The following FGF14 variants were observed in gnomAD, a reference collection of about 807,000 sequenced individuals.
The protein encoded by FGF14 is fibroblast growth factor 14.
FGF14 carries 5 observed loss-of-function variants against 25.5 expected under a neutral mutation model. That is an observed-to-expected ratio of 0.20 (90% CI 0.10 to 0.41). The LOEUF is 0.41. FGF14 is among the 10% of genes least tolerant of loss of function. FGF14 has a pLI of 1.00. For synonymous variants in FGF14, 138 were observed against 118.3 expected (o/e 1.17, Z -1.08); for missense variants, 222 against 320.1 (o/e 0.69, Z 2.34).
chr13:102,099,246 G>A (rs147903879), intron 1 of FGF14, among the ~76,000 whole-genome samples: 281 of 152,326 alleles, frequency 1.8e-3, no homozygotes, highest in African/African-American at 6.3e-3. Context: ...AAAAAGGCAA[G>A]CAATGCATAT....
intron 1 of FGF14, among the ~76,000 whole-genome samples, chr13:101,957,305 T>C (rs1049112052): frequency 3.9e-4 from 59 of 152,100 alleles, no homozygotes; most frequent in African/African-American, 1.4e-3. Flanking sequence ...GGCTTTTCTT[T>C]TGGGGCAAGA....
At chr13:101,898,200 T>C (rs1170383230) in intron 1 of FGF14, among the ~76,000 whole-genome samples, 1 of 152,202 alleles carries the variant, frequency 6.6e-6, no homozygotes, top group Non-Finnish European at 1.5e-5. Flanking sequence ...TTGAGTTTTC[T>C]ATTTTTAGAT....
intron 1 of FGF14, among the ~76,000 whole-genome samples, chr13:102,023,563 A>G (rs2040778645): frequency 1.3e-5 from 2 of 152,028 alleles, no homozygotes; most frequent in Non-Finnish European, 2.9e-5. Flanking sequence ...TATCATCACA[A>G]AAAGAAACTA....
chr13:101,829,706 C>T (rs1263940833), intron 3 of FGF14, among the ~76,000 whole-genome samples: 1 of 152,024 alleles, frequency 6.6e-6, no homozygotes, highest in East Asian at 1.9e-4. Flanking sequence ...AAATAACTGC[C>T]TTGGTTGAAT....
chr13:101,915,784 G>A (rs537794793), intron 1 of FGF14, among the ~76,000 whole-genome samples: 5 of 152,188 alleles, frequency 3.3e-5, no homozygotes, highest in South Asian at 4.1e-4. Flanking sequence ...CCCGCTCCCC[G>A]CAATTCGGAT....
chr13:101,846,169 A>C (rs969843005), intron 3 of FGF14, among the ~76,000 whole-genome samples: 3 of 152,026 alleles, frequency 2.0e-5, no homozygotes, highest in Non-Finnish European at 2.9e-5. Context: ...AATGTCTATC[A>C]ATGAAATGAA....
chr13:102,002,316 A>C (rs548476218), intron 1 of FGF14: 3 of 152,396 alleles, frequency 2.0e-5, no homozygotes, highest in African/African-American at 7.2e-5. Context: ...AAGACAAGCC[A>C]GTTTTTTCCT....
rs778228445 is a variant in FGF14, at chr13:101,997,136, C to A, written c.209-121840G>T. 1.1e-3 allele frequency among the ~76,000 whole-genome samples: 174 copies of A among 152,368 alleles called. 1 individual carries two copies. The highest frequency in any genetic ancestry group is 4.6e-4 in the Non-Finnish European group (31 of 68,044). On this transcript the variant is annotated intron_variant, in intron 1 of 4. Transcript: ENST00000376131. ...TCACCACCAGTCTTGATACTATACA[C>A]TACTCCACATGTGTGCATTTATTGT...
chr13:102,101,451 G>T (rs1158306369), intron 1 of FGF14, among the ~76,000 whole-genome samples: 3 of 152,098 alleles, frequency 2.0e-5, no homozygotes, highest in African/African-American at 7.2e-5. Context: ...GATAATTCAT[G>T]GGTATACCTC....
intron 1 of FGF14, among the ~76,000 whole-genome samples, chr13:101,899,416 C>T (rs943386974): frequency 9.9e-5 from 15 of 150,988 alleles, no homozygotes; most frequent in Admixed American, 2.6e-4. Flanking sequence ...GGAGATATAA[C>T]CAAAGAACTG....
chr13:102,396,880 C>T (rs1353900452), intron 1 of FGF14, among the ~76,000 whole-genome samples: 1 of 152,208 alleles, frequency 6.6e-6, no homozygotes, highest in Non-Finnish European at 1.5e-5. Context: ...CACTGCTCTA[C>T]AAAACCCATT....
chr13:101,939,566 G>A (rs1357001724), intron 1 of FGF14, among the ~76,000 whole-genome samples: 6 of 152,196 alleles, frequency 3.9e-5, no homozygotes, highest in Non-Finnish European at 7.3e-5. Context: ...TTGGGTTAAT[G>A]CGAAATCCTA....
intron 1 of FGF14, among the ~76,000 whole-genome samples, chr13:102,118,410 T>C (rs573937873): frequency 2.0e-5 from 3 of 151,914 alleles, no homozygotes; most frequent in Admixed American, 2.0e-4. Context: ...AAGAAAATAA[T>C]ACCCCAGTGA....
Position 101,927,574 on chromosome 13 carries a change from T to C in FGF14, c.209-52278A>G, listed in dbSNP as rs1209943944. Among the ~76,000 whole-genome samples the C allele has an allele frequency of 2.6e-5, 4 of 152,232 alleles. No homozygotes were observed. The East Asian group carries it at 7.7e-4, about 29-fold the overall frequency. On this transcript the variant is annotated intron_variant, in intron 1 of 4. Coordinates refer to the FGF14 transcript ENST00000376131. ...CTGTACAAAGTTTAGATCTGAGCCC[T>C]TGTTGCCCTGCTGCAAGAGTCAAAG... is the stretch of plus-strand genomic sequence containing the variant.
At chr13:102,334,642 G>A (rs899132368) in intron 1 of FGF14, among the ~76,000 whole-genome samples, 6 of 152,152 alleles carry the variant, frequency 3.9e-5, no homozygotes, top group African/African-American at 1.4e-4. Flanking sequence ...TAAAAAAAGT[G>A]TTCGTATAAG....
intron 3 of FGF14, among the ~76,000 whole-genome samples, chr13:101,806,474 ATTTT>A (rs973570423): frequency 3.3e-5 from 5 of 150,622 alleles, no homozygotes; most frequent in South Asian, 2.1e-4. Flanking sequence ...CATTGAGAAA[ATTTT>A]TTTTTTTGTT....
chr13:102,178,914 G>A (rs773488799), intron 1 of FGF14, among the ~76,000 whole-genome samples: 6 of 151,964 alleles, frequency 3.9e-5, no homozygotes, highest in African/African-American at 7.2e-5. Context: ...TGTAATCATG[G>A]AGCTATATAC....
chr13:101,780,261 T>C (rs1348154237), intron 3 of FGF14, among the ~76,000 whole-genome samples: 1 of 152,198 alleles, frequency 6.6e-6, no homozygotes, highest in African/African-American at 2.4e-5. Context: ...TACTACAAAC[T>C]GTGTGGAGTT....
chr13:102,136,675 A>C (rs2046425537), intron 1 of FGF14, among the ~76,000 whole-genome samples: 1 of 152,164 alleles, frequency 6.6e-6, no homozygotes, highest in South Asian at 2.1e-4. Context: ...AAAAAAAAAA[A>C]AACCTGAGAC....
Sources: gnomAD v4.1 joint callset for allele counts (sites outside exome capture counted in the v4.1 genomes callset) on GRCh38, gnomAD v4.1.1 for gene constraint, MANE v1.5 for transcripts, NCBI Gene and HGNC (gene_info 2026-07-23, HGNC 2026-07-21) for gene names.